Variants in MPDZ observed in about 807,000 individuals in gnomAD.
MPDZ encodes multiple PDZ domain protein.
Under a neutral mutation model 239.1 loss-of-function variants are expected in MPDZ, and 234 were observed. The observed-to-expected ratio is 0.98, with a 90% CI of 0.88 to 1.09. The LOEUF is 1.09. Among genes scored for constraint, MPDZ ranks in the 50% least tolerant of loss-of-function variants. MPDZ has a pLI of 0.00. For missense variants in MPDZ, 3,175 were observed against 2,510.0 expected (o/e 1.26, Z -5.66); for synonymous variants, 1,048 against 881.3 (o/e 1.19, Z -3.35).
At chr9:13,159,247 T>C (rs1950185000) in intron 23 of MPDZ, among the ~76,000 whole-genome samples, 1 of 152,124 alleles carries the variant, frequency 6.6e-6, no homozygotes, top group African/African-American at 2.4e-5. Context: ...TGGACCTGAA[T>C]GTTAAGTTTT....
intron 23 of MPDZ, among the ~76,000 whole-genome samples, chr9:13,158,365 G>C (rs1409835487): frequency 1.3e-5 from 2 of 152,026 alleles, no homozygotes; most frequent in South Asian, 4.1e-4. Context: ...TTTTTTCCTT[G>C]ATGAGACATA....
In MPDZ at chr9:13,248,976, C is replaced by CAAAAAAAAAAAAAAAAAAAAAAAAAAAAA. The variant is rs71331534; in HGVS notation, c.17-1204_17-1176dup. ...CGACAGAGTGAGTGAGACTCCATCT[C>CAAAAAAAAAAAAAAAAAAAAAAAAAAAAA]AAAAAAAAAAAAAAAAAAAAAAAAA... On this transcript the variant is annotated intron_variant, in intron 2 of 46. Transcript: ENST00000319217. 1.4e-4 allele frequency among the ~76,000 whole-genome samples: 5 copies of CAAAAAAAAAAAAAAAAAAAAAAAAAAAAA among 35,820 alleles called. 1 individual carries two copies. The highest frequency in any genetic ancestry group is 1.2e-3 in the East Asian group (1 of 814). The allele number at this position is 35,820 out of a possible 152,430, so 23.5% of individuals were successfully genotyped here. A position where few individuals can be genotyped will look rare whatever the true frequency, so the allele number is the denominator to read the frequency against.
At chr9:13,219,895 CA>C in intron 7 of MPDZ, 127 bp from the exon 8 acceptor site, 3 of 823,674 alleles carry the variant, frequency 3.6e-6, no homozygotes, top group Non-Finnish European at 5.8e-6. Flanking sequence ...TAAAATAAAA[CA>C]CATGGGTATA....
At chr9:13,128,241 C>T (rs1246656570) in intron 32 of MPDZ, among the ~76,000 whole-genome samples, 1 of 152,202 alleles carries the variant, frequency 6.6e-6, no homozygotes, top group East Asian at 1.9e-4. Context: ...AAAGAGAATA[C>T]AGCAGAAGTA....
chr9:13,206,081 G>C lies in MPDZ; in HGVS notation c.1309C>G (p.Gln437Glu). The stretch of plus-strand genomic sequence containing the variant: ...ACTGCTTGCTGATTAGTAAAACCCT[G>C]AAGGTTTGTGCCATCTACCTGTGAT... Reference protein sequence around the residue: ...QIIAVDGTNLQGFTNQQAVEV... With the variant: ...QIIAVDGTNLEGFTNQQAVEV... Residue 437 changes from glutamine (Q) to glutamate (E), a missense_variant, in exon 11 of 47, where the codon CAG (glutamine) becomes GAG (glutamate). Gln to Glu is a conservative substitution (Grantham distance 29, BLOSUM62 2). Coordinates refer to ENST00000319217, the MANE Select transcript of MPDZ (RefSeq NM_001378778.1). The C allele has an allele frequency of 6.2e-7, 1 of 1,605,404 alleles. No homozygotes were observed. The highest frequency in any genetic ancestry group is 8.5e-7 in the Non-Finnish European group (1 of 1,177,134).
In MPDZ at chr9:13,136,075, AC is replaced by A; in HGVS notation, c.4383+16del. On this transcript the variant is annotated intron_variant, in intron 31 of 46. Coordinates refer to ENST00000319217, the MANE Select transcript of MPDZ (RefSeq NM_001378778.1). ...CAATCAAGTCTTCCCAGAGAAACAA[AC>A]ATAAGTTACATATACCTCCTTATTT... is the stretch of plus-strand genomic sequence containing the variant. 6.5e-7 allele frequency: 1 copy of A among 1,528,186 alleles called. No homozygotes were observed. The highest frequency in any genetic ancestry group is 9.0e-7 in the Non-Finnish European group (1 of 1,108,102). The allele number at this position is 1,528,186 out of a possible 1,614,324, so 94.7% of individuals were successfully genotyped here.
At chr9:13,116,201 G>A (rs1164910201) in intron 39 of MPDZ, among the ~76,000 whole-genome samples, 3 of 152,144 alleles carry the variant, frequency 2.0e-5, no homozygotes, top group African/African-American at 7.2e-5. Context: ...ATGCCGCACA[G>A]TCTAATATGA....
At chr9:13,121,171 C>T (rs913624981) in intron 38 of MPDZ, among the ~76,000 whole-genome samples, 5 of 152,156 alleles carry the variant, frequency 3.3e-5, no homozygotes, top group African/African-American at 7.2e-5. Flanking sequence ...GTTGATGGCA[C>T]GCTCTTATTC....
At chr9:13,273,537 T>C (rs1238569375) in intron 1 of MPDZ, among the ~76,000 whole-genome samples, 1 of 152,194 alleles carries the variant, frequency 6.6e-6, no homozygotes, top group African/African-American at 2.4e-5. Context: ...ATTCAAATAA[T>C]TGCCATTCTG....
chr9:13,185,547 G>A (rs1953978498), intron 18 of MPDZ, among the ~76,000 whole-genome samples: 1 of 152,116 alleles, frequency 6.6e-6, no homozygotes, highest in Non-Finnish European at 1.5e-5. Context: ...TAGGGGTAAT[G>A]TGAACAGGAT....
chr9:13,156,496 T>G (rs549578473), intron 24 of MPDZ, among the ~76,000 whole-genome samples: 3 of 152,244 alleles, frequency 2.0e-5, no homozygotes, highest in East Asian at 3.9e-4. Context: ...TAAAAGAGCT[T>G]GTGCAGGGCA....
intron 7 of MPDZ, among the ~76,000 whole-genome samples, chr9:13,220,028 G>A (rs547836456): frequency 6.6e-6 from 1 of 151,990 alleles, no homozygotes; most frequent in African/African-American, 2.4e-5. Context: ...CCTACCAAGA[G>A]TTCATATGAA....
chr9:13,275,701 A>G (rs946619130), intron 1 of MPDZ, among the ~76,000 whole-genome samples: 2 of 152,228 alleles, frequency 1.3e-5, no homozygotes, highest in African/African-American at 4.8e-5. Context: ...GACTTGGGTT[A>G]TTGGAAAGTG....
chr9:13,216,174 G>A (rs936560511), intron 10 of MPDZ, among the ~76,000 whole-genome samples: 6 of 151,340 alleles, frequency 4.0e-5, no homozygotes, highest in African/African-American at 7.3e-5. Context: ...GGGGAGTCCG[G>A]TATCAACTGA....
In MPDZ at chr9:13,119,453, T is replaced by C. The variant is rs1278807353; in HGVS notation, c.5379+49A>G. 6 of 1,561,364 alleles carry C rather than the reference T, an allele frequency of 3.8e-6. No homozygotes were observed. The East Asian group carries it at 9.0e-5, about 23-fold the overall frequency. On this transcript the variant is annotated intron_variant, in intron 39 of 46. Coordinates refer to ENST00000319217, the MANE Select transcript of MPDZ (RefSeq NM_001378778.1). ...CTATGATAGCCCAATGTTAAAATTA[T>C]CTTTTTTCTTCTACGCTATTACACA...
intron 17 of MPDZ, 114 bp from the exon 18 acceptor site, chr9:13,186,500 G>T: frequency 1.4e-6 from 1 of 694,742 alleles, no homozygotes; most frequent in Non-Finnish European, 2.5e-6. Flanking sequence ...GAAAGAAATT[G>T]GAAAGTTTTC....
chr9:13,136,327 T>C (rs1398788423), intron 30 of MPDZ, 145 bp from the exon 31 acceptor site: 1 of 228,912 alleles, frequency 4.4e-6, no homozygotes, highest in South Asian at 7.9e-5. Flanking sequence ...AACGTTTTCT[T>C]TTTTTTTTTT....
At chr9:13,181,601 C>T (rs550851069) in intron 19 of MPDZ, among the ~76,000 whole-genome samples, 5 of 152,162 alleles carry the variant, frequency 3.3e-5, no homozygotes, top group East Asian at 3.9e-4. Flanking sequence ...AGTTGATAAA[C>T]GAGCTTGCCA....
chr9:13,164,907 T>C (rs543991309), intron 22 of MPDZ, among the ~76,000 whole-genome samples: 1 of 152,206 alleles, frequency 6.6e-6, no homozygotes, highest in Admixed American at 6.5e-5. Context: ...AAAGCTAAAT[T>C]ATGAGCTGCG....
Sources: gnomAD v4.1 joint callset for allele counts (sites outside exome capture counted in the v4.1 genomes callset) on GRCh38, gnomAD v4.1.1 for gene constraint, MANE v1.5 for transcripts, NCBI Gene and HGNC (gene_info 2026-07-23, HGNC 2026-07-21) for gene names.